GPHN: variants seen among roughly 807,000 people sequenced by gnomAD.
GPHN encodes the protein gephyrin.
A neutral mutation model predicts 95.5 loss-of-function variants in GPHN; 17 were observed. That is an observed-to-expected ratio of 0.18 (90% CI 0.12 to 0.27). GPHN has a LOEUF of 0.27. Among genes scored for constraint, GPHN ranks in the 10% least tolerant of loss-of-function variants. The pLI is 1.00. For synonymous variants in GPHN, 320 were observed against 322.5 expected (o/e 0.99, Z 0.08); for missense variants, 660 against 978.1 (o/e 0.67, Z 4.34).
intron 9 of GPHN, among the ~76,000 whole-genome samples, chr14:66,988,410 G>T (rs533874183): frequency 1.5e-4 from 23 of 152,166 alleles, no homozygotes; most frequent in African/African-American, 5.5e-4. Context: ...TGAGCTGGAT[G>T]TGAGGGGTAT....
At chr14:67,252,329 A>G in the GPHN span, among the ~76,000 whole-genome samples, 7 of 151,870 alleles carry the variant, frequency 4.6e-5, no homozygotes, top group Non-Finnish European at 1.0e-4. Context: ...TTTTATTTTT[A>G]TTTTTTGTAG....
chr14:67,417,039 G>T, the GPHN span, among the ~76,000 whole-genome samples: 1 of 152,182 alleles, frequency 6.6e-6, no homozygotes, highest in Non-Finnish European at 1.5e-5. Context: ...GAATGTTGTG[G>T]TAATGCCCAG....
At chr14:67,629,339 A>T in the GPHN span, among the ~76,000 whole-genome samples, 3 of 152,228 alleles carry the variant, frequency 2.0e-5, no homozygotes, top group African/African-American at 7.2e-5. Context: ...ATAAAGCCTC[A>T]TCTGTTTAAG....
chr14:67,348,001 C>T, the GPHN span, among the ~76,000 whole-genome samples: 2 of 151,924 alleles, frequency 1.3e-5, no homozygotes, highest in Admixed American at 6.6e-5. Context: ...CAACCACCGC[C>T]TCCTGGGGTC....
chr14:66,867,447 GA>G (rs1050323809), intron 4 of GPHN, among the ~76,000 whole-genome samples: 12 of 152,016 alleles, frequency 7.9e-5, no homozygotes, highest in Admixed American at 7.2e-4. Flanking sequence ...TCTTGAATGA[GA>G]AAAAAATAGA....
At chr14:66,710,775 C>G (rs1217301600) in intron 2 of GPHN, among the ~76,000 whole-genome samples, 1 of 152,106 alleles carries the variant, frequency 6.6e-6, no homozygotes, top group African/African-American at 2.4e-5. Flanking sequence ...ACCTATGTGC[C>G]TCACTTTCTA....
chr14:67,037,282 C>G (rs1741928860), intron 10 of GPHN, among the ~76,000 whole-genome samples: 1 of 151,846 alleles, frequency 6.6e-6, no homozygotes, highest in South Asian at 2.1e-4. Context: ...CAAAAATTAC[C>G]TCAAAATGGA....
chr14:67,159,505 G>C lies in GPHN; in HGVS notation c.1910+17G>C. 6.8e-7 allele frequency: 1 copy of C among 1,474,098 alleles called. No individual in the cohort carries two copies. Among genetic ancestry groups the C allele is most frequent in the South Asian group, 1.1e-5 (1 of 88,308 alleles). The allele number at this position is 1,474,098 out of a possible 1,614,324, so 91.3% of individuals were successfully genotyped here. A position where few individuals can be genotyped will look rare whatever the true frequency, so the allele number is the denominator to read the frequency against. On this transcript the variant is annotated intron_variant, in intron 19 of 22. Coordinates refer to ENST00000478722, the MANE Select transcript of GPHN (RefSeq NM_020806.5). ...GAAACCAGGGTATGAAAATCATCTT[G>C]TTATCTCATATATGGGGTTGGTTTG...
At position 67,110,138 on chromosome 14, in the gene GPHN, A is replaced by G; in HGVS notation, c.1294-2A>G. The G allele has an allele frequency of 6.2e-7, 1 of 1,613,254 alleles. No homozygotes were observed. The highest frequency in any genetic ancestry group is 8.5e-7 in the Non-Finnish European group (1 of 1,179,212). ...AACTGTCTTTTTCATCTTTATTTCC[A>G]GCCAACTCAGACAGTAATGCCAGGA... On this transcript the variant is annotated splice_acceptor_variant, in intron 13 of 22. Coordinates refer to ENST00000478722, the MANE Select transcript of GPHN (RefSeq NM_020806.5). LOFTEE classifies it high-confidence loss of function.
intron 11 of GPHN, among the ~76,000 whole-genome samples, chr14:67,061,410 T>C (rs547090475): frequency 6.6e-6 from 1 of 152,236 alleles, no homozygotes; most frequent in East Asian, 1.9e-4. Context: ...ATCTTCCCAA[T>C]CCGTTCTCCA....
At chr14:66,700,622 T>C (rs1310574258) in intron 2 of GPHN, among the ~76,000 whole-genome samples, 2 of 152,146 alleles carry the variant, frequency 1.3e-5, no homozygotes, top group African/African-American at 4.8e-5. Context: ...AGAACAAATA[T>C]CCAGTTAAAA....
rs1034306408 is a variant in GPHN at position 66,592,146 on chromosome 14, A to G, written c.64+83555A>G. On this transcript the variant is annotated intron_variant, in intron 1 of 22. Coordinates refer to ENST00000478722, the MANE Select transcript of GPHN (RefSeq NM_020806.5). ...CTCCTTCCTTACACCTCATACAAAAATTAACTCAAGATGGATTAAATACTT... is the reference window on the plus strand; with the variant it reads ...CTCCTTCCTTACACCTCATACAAAAGTTAACTCAAGATGGATTAAATACTT... Among the ~76,000 whole-genome samples, 28 of 152,342 alleles carry G rather than the reference A, an allele frequency of 1.8e-4. 1 individual carries two copies. The highest frequency in any genetic ancestry group is 1.2e-3 in the Admixed American group (18 of 15,306).
intron 2 of GPHN, among the ~76,000 whole-genome samples, chr14:66,774,982 C>T (rs1327629251): frequency 6.6e-6 from 1 of 152,066 alleles, no homozygotes; most frequent in Non-Finnish European, 1.5e-5. Flanking sequence ...CTCTGAATGC[C>T]ACTGAAATTG....
chr14:67,391,299 G>GTGTGTA, the GPHN span, among the ~76,000 whole-genome samples: 1 of 151,288 alleles, frequency 6.6e-6, no homozygotes, highest in East Asian at 1.9e-4. Flanking sequence ...GTGTGTGTGT[G>GTGTGTA]TGTGTGACTT....
At chr14:67,667,138 G>A in the GPHN span, among the ~76,000 whole-genome samples, 1 of 152,118 alleles carries the variant, frequency 6.6e-6, no homozygotes, top group Non-Finnish European at 1.5e-5. Flanking sequence ...ATGCTGACAT[G>A]GAGTAAAATG....
At position 67,122,322 on chromosome 14, in the gene GPHN, G is replaced by C. The variant is rs748223286; in HGVS notation, c.1693G>C (p.Ala565Pro). ...IRDSNRSTLL[A>P]TIQEHGYPTI... The stretch of plus-strand genomic sequence containing the variant: ...AGACAGCAATCGTTCAACTCTTCTA[G>C]CAACAATTCAGGAACATGGTTACCC... Residue 565 changes from alanine (A) to proline (P), a missense_variant, in exon 17 of 23, where the codon GCA becomes CCA. This residue lies in a region of GPHN where 257 missense variants were observed against 376.2 expected (regional missense o/e 0.68). Coordinates refer to ENST00000478722, the MANE Select transcript of GPHN (RefSeq NM_020806.5). 6.2e-7 allele frequency: 1 copy of C among 1,613,038 alleles called. No homozygotes were observed. The highest frequency in any genetic ancestry group is 8.5e-7 in the Non-Finnish European group (1 of 1,179,112).
At chr14:67,465,709 G>C in the GPHN span, among the ~76,000 whole-genome samples, 9 of 152,220 alleles carry the variant, frequency 5.9e-5, no homozygotes, top group Non-Finnish European at 1.2e-4. Context: ...CCACCAAAAA[G>C]ATGTAGCCAC....
the GPHN span, among the ~76,000 whole-genome samples, chr14:67,591,075 GA>G: frequency 6.6e-6 from 1 of 151,842 alleles, no homozygotes; most frequent in Non-Finnish European, 1.5e-5. Context: ...AATATATAAA[GA>G]ATTGTTAAAA....
chr14:67,183,690 A>T (rs1268255026), downstream of GPHN, among the ~76,000 whole-genome samples: 4 of 149,264 alleles, frequency 2.7e-5, no homozygotes, highest in African/African-American at 7.5e-5. Flanking sequence ...CAGCCTCCCA[A>T]GTAGCTAGGA....
Sources: gnomAD v4.1 joint callset for allele counts (sites outside exome capture counted in the v4.1 genomes callset) on GRCh38, gnomAD v4.1.1 for gene constraint, gnomAD v4.1.1 regional missense constraint, MANE v1.5 for transcripts, NCBI Gene and HGNC (gene_info 2026-07-23, HGNC 2026-07-21) for gene names.